MDGA2: variants seen among roughly 807,000 people sequenced by gnomAD.
MDGA2 encodes MAM domain-containing glycosylphosphatidylinositol anchor protein 2.
A neutral mutation model predicts 117.8 loss-of-function variants in MDGA2; 40 were observed. The observed-to-expected ratio is 0.34, with a 90% CI of 0.26 to 0.44. The LOEUF (loss-of-function observed/expected upper bound fraction) is 0.44, where lower values mean the gene tolerates loss of function less well. Ranked by LOEUF, MDGA2 falls within the 20% of genes least tolerant of loss-of-function variation. MDGA2 has a pLI of 1.00. For missense variants in MDGA2, 1,123 were observed against 1,250.6 expected (o/e 0.90, Z 1.54); for synonymous variants, 452 against 439.0 (o/e 1.03, Z -0.37).
At chr14:47,608,916 T>A (rs979648121) in intron 1 of MDGA2, among the ~76,000 whole-genome samples, 1 of 151,938 alleles carries the variant, frequency 6.6e-6, no homozygotes, top group African/African-American at 2.4e-5. Flanking sequence ...GGTTGGAATT[T>A]GGTCTGGAGA....
In MDGA2 at chr14:46,841,077, GA is replaced by G. The variant is rs1465919998; in HGVS notation, c.*853del. On this transcript the variant is annotated 3_prime_UTR_variant, in exon 17 of 17. Transcript: ENST00000399232. ...ACCACTCTTAGCAGTGCAAGCTTCT[GA>G]GTTGAAAATTATTCAGGCTTGTTTC... is the stretch of plus-strand genomic sequence containing the variant. 6.6e-6 allele frequency: 1 copy of G among 152,530 alleles called. No individual in the cohort carries two copies. The highest frequency in any genetic ancestry group is 1.5e-5 in the Non-Finnish European group (1 of 68,010). The allele number at this position is 152,530 out of a possible 1,614,324, so 9.4% of individuals were successfully genotyped here. A position where few individuals can be genotyped will look rare whatever the true frequency, so the allele number is the denominator to read the frequency against.
At chr14:47,643,409 T>C (rs1270283040) in intron 1 of MDGA2, among the ~76,000 whole-genome samples, 1 of 152,066 alleles carries the variant, frequency 6.6e-6, no homozygotes, top group Non-Finnish European at 1.5e-5. Flanking sequence ...TGTAAATTAA[T>C]GATTTCTCTA....
chr14:46,998,108 G>A (rs889455872), intron 8 of MDGA2, among the ~76,000 whole-genome samples: 4 of 152,018 alleles, frequency 2.6e-5, no homozygotes, highest in Non-Finnish European at 5.9e-5. Context: ...GAGCCCTGAA[G>A]AAGAAAAGGG....
At chr14:47,333,547 TTTTA>T (rs1278380737) in intron 1 of MDGA2, among the ~76,000 whole-genome samples, 2 of 151,870 alleles carry the variant, frequency 1.3e-5, no homozygotes. Flanking sequence ...ATCAGACAAT[TTTTA>T]TTTGTTTCAT....
At chr14:46,968,356 C>CA (rs1426240591) in intron 8 of MDGA2, among the ~76,000 whole-genome samples, 1 of 151,760 alleles carries the variant, frequency 6.6e-6, no homozygotes, top group Non-Finnish European at 1.5e-5. Context: ...GCAAAAATCC[C>CA]AAAAAAATAT....
chr14:47,556,554 A>G (rs569682071), intron 1 of MDGA2, among the ~76,000 whole-genome samples: 7 of 152,352 alleles, frequency 4.6e-5, no homozygotes, highest in African/African-American at 1.7e-4. Context: ...AACAACAGAG[A>G]AACTAGATTA....
intron 1 of MDGA2, among the ~76,000 whole-genome samples, chr14:47,342,765 T>C (rs1285832198): frequency 6.6e-6 from 1 of 152,148 alleles, no homozygotes; most frequent in Non-Finnish European, 1.5e-5. Context: ...AGGAGATAAA[T>C]TGTCCTAGAT....
chr14:46,948,098 T>C (rs1033043562), intron 9 of MDGA2, among the ~76,000 whole-genome samples: 1 of 152,042 alleles, frequency 6.6e-6, no homozygotes, highest in Admixed American at 6.6e-5. Flanking sequence ...TTTATACCCA[T>C]TGTCATAAAT....
At chr14:47,228,473 C>A (rs910774193) in intron 2 of MDGA2, among the ~76,000 whole-genome samples, 1 of 152,122 alleles carries the variant, frequency 6.6e-6, no homozygotes, top group Non-Finnish European at 1.5e-5. Flanking sequence ...AGTAGATACT[C>A]AACACTTTAT....
intron 3 of MDGA2, among the ~76,000 whole-genome samples, chr14:47,197,600 AAAC>A (rs557184385): frequency 6.8e-4 from 103 of 152,290 alleles, no homozygotes; most frequent in African/African-American, 2.4e-3. Flanking sequence ...GGTGAATCTG[AAAC>A]AACAAGATTA....
intron 1 of MDGA2, among the ~76,000 whole-genome samples, chr14:47,556,441 T>G (rs144837303): frequency 2.6e-5 from 4 of 152,212 alleles, no homozygotes; most frequent in Admixed American, 6.5e-5. Context: ...CATCTGCACT[T>G]GTTAGAATTC....
intron 3 of MDGA2, among the ~76,000 whole-genome samples, chr14:47,162,851 T>C (rs1420697029): frequency 6.6e-6 from 1 of 152,196 alleles, no homozygotes; most frequent in East Asian, 1.9e-4. Context: ...TACTGAACTA[T>C]TTAGTTAAGA....
intron 14 of MDGA2, among the ~76,000 whole-genome samples, chr14:46,867,705 A>G (rs1156391625): frequency 1.3e-5 from 2 of 152,082 alleles, no homozygotes; most frequent in Admixed American, 6.6e-5. Context: ...TCAATATATT[A>G]AATTTTTATT....
At chr14:47,144,389 C>T (rs1435671353) in intron 3 of MDGA2, 115 bp from the exon 4 acceptor site, 1 of 642,726 alleles carries the variant, frequency 1.6e-6, no homozygotes, top group African/African-American at 1.9e-5. Context: ...TATTACTTAC[C>T]ACTAGGTACT....
rs544631863 is a variant in MDGA2, at chr14:47,258,123, T to C, written c.421-39928A>G. Among the ~76,000 whole-genome samples, 113 of 152,300 alleles carry C rather than the reference T, an allele frequency of 7.4e-4. 2 individuals are homozygous for C. The South Asian group carries it at 0.022, about 29-fold the overall frequency. On this transcript the variant is annotated intron_variant, in intron 2 of 16. Transcript: ENST00000399232. Reference sequence around the variant, plus strand: ...CCTTGAATCATTTTCCATGACACTTTTCCCCACAGAATTTTATCTTCATGT... The same window carrying C: ...CCTTGAATCATTTTCCATGACACTTCTCCCCACAGAATTTTATCTTCATGT...
chr14:47,218,849 T>C (rs755531609), intron 2 of MDGA2, among the ~76,000 whole-genome samples: 2 of 152,208 alleles, frequency 1.3e-5, no homozygotes, highest in Non-Finnish European at 1.5e-5. Flanking sequence ...GGAGAACATT[T>C]CTACTAAACT....
At chr14:47,254,795 G>T (rs1330335938) in intron 2 of MDGA2, among the ~76,000 whole-genome samples, 5 of 152,160 alleles carry the variant, frequency 3.3e-5, no homozygotes, top group Non-Finnish European at 7.3e-5. Flanking sequence ...ATAAAGAACT[G>T]CCCAAGACTG....
chr14:47,217,701 G>A (rs1484459698), intron 3 of MDGA2, among the ~76,000 whole-genome samples: 1 of 151,912 alleles, frequency 6.6e-6, no homozygotes. Flanking sequence ...ATATAAAAAT[G>A]CATGTATATC....
chr14:47,477,034 C>T (rs1319221419), intron 1 of MDGA2, among the ~76,000 whole-genome samples: 1 of 152,002 alleles, frequency 6.6e-6, no homozygotes, highest in Non-Finnish European at 1.5e-5. Flanking sequence ...TGGTGGCGCA[C>T]GCCTGTAATC....
Sources: allele counts gnomAD v4.1 joint callset (sites outside exome capture counted in the v4.1 genomes callset), GRCh38; gene constraint gnomAD v4.1.1; transcripts MANE v1.5; gene names NCBI Gene and HGNC (gene_info 2026-07-23, HGNC 2026-07-21).